ARHGEF7: variants seen among roughly 807,000 people sequenced by gnomAD.
The protein encoded by ARHGEF7 is Rho guanine nucleotide exchange factor 7.
ARHGEF7 carries 33 observed loss-of-function variants against 109.8 expected under a neutral mutation model. The ratio of observed to expected loss-of-function variants is 0.30; its 90% CI spans 0.23 to 0.40. The LOEUF is 0.40. Ranked by LOEUF, ARHGEF7 falls within the 10% of genes least tolerant of loss-of-function variation. The pLI, the probability that ARHGEF7 is intolerant of heterozygous loss-of-function variation, is 1.00. For missense variants in ARHGEF7, 938 were observed against 1,098.5 expected (o/e 0.85, Z 2.07); for synonymous variants, 458 against 424.6 (o/e 1.08, Z -0.97).
rs576476181 is a variant in ARHGEF7, at chr13:111,305,193, C to G, written c.*2080C>G. On this transcript the variant is annotated 3_prime_UTR_variant, in exon 22 of 22. Transcript: ENST00000646102. Reference sequence around the variant, plus strand: ...GCCTCATGTTACGGCATTGCCTTTTCTTTCTGTGGATCCAGTATCTTCCTC... The same window carrying G: ...GCCTCATGTTACGGCATTGCCTTTTGTTTCTGTGGATCCAGTATCTTCCTC... The G allele has an allele frequency of 6.6e-6, 1 of 152,372 alleles. No individual in the cohort carries two copies. Among genetic ancestry groups the G allele is most frequent in the African/African-American group, 2.4e-5 (1 of 41,582 alleles). The allele number at this position is 152,372 out of a possible 1,614,324, so 9.4% of individuals were successfully genotyped here. A position where few individuals can be genotyped will look rare whatever the true frequency, so the allele number is the denominator to read the frequency against.
intron 5 of ARHGEF7, among the ~76,000 whole-genome samples, chr13:111,223,740 A>G (rs1430287016): frequency 6.6e-6 from 1 of 152,214 alleles, no homozygotes; most frequent in Non-Finnish European, 1.5e-5. Context: ...TGTCAAAAGC[A>G]TTGTATATTA....
At chr13:111,166,917 C>A (rs1320032195) in intron 2 of ARHGEF7, among the ~76,000 whole-genome samples, 2 of 152,110 alleles carry the variant, frequency 1.3e-5, no homozygotes, top group Non-Finnish European at 2.9e-5. Context: ...ATATTGTGGG[C>A]AGGTGCTGTG....
At chr13:111,115,842 T>C (rs866362760) in intron 1 of ARHGEF7, 151 bp downstream of exon 1, 3,049 of 212,132 alleles carry the variant, frequency 0.014, 102 homozygotes, top group African/African-American at 0.079. Context: ...GCCAGGACCG[T>C]GGCGGGAGCT....
chr13:111,213,900 G>C (rs2082801055), intron 4 of ARHGEF7, among the ~76,000 whole-genome samples: 1 of 152,152 alleles, frequency 6.6e-6, no homozygotes. Context: ...CCCTTTTCCA[G>C]CCAGTCCCAT....
At chr13:111,279,526 C>T (rs559075462) in intron 13 of ARHGEF7, among the ~76,000 whole-genome samples, 8 of 152,362 alleles carry the variant, frequency 5.3e-5, no homozygotes, top group African/African-American at 1.7e-4. Context: ...ATGGAGTGCT[C>T]CCCAGGCAGC....
intron 6 of ARHGEF7, among the ~76,000 whole-genome samples, chr13:111,242,894 C>T (rs2088048460): frequency 6.6e-6 from 1 of 152,226 alleles, no homozygotes; most frequent in Admixed American, 6.5e-5. Context: ...CCACCCTGGG[C>T]TGGGCCTTTG....
chr13:111,197,741 CT>C (rs903606333), intron 2 of ARHGEF7, among the ~76,000 whole-genome samples: 10 of 152,162 alleles, frequency 6.6e-5, no homozygotes, highest in Non-Finnish European at 1.2e-4. Context: ...ATAGTACCCC[CT>C]ATGACAGGGC....
upstream of ARHGEF7, chr13:111,115,242 C>T (rs2153297335): frequency 6.8e-6 from 1 of 147,476 alleles, no homozygotes; most frequent in East Asian, 2.0e-4. Flanking sequence ...ACGGCCGCGT[C>T]TTTCTTCTCC....
At chr13:111,173,723 C>T (rs1454295455) in intron 2 of ARHGEF7, among the ~76,000 whole-genome samples, 2 of 152,138 alleles carry the variant, frequency 1.3e-5, no homozygotes, top group Non-Finnish European at 2.9e-5. Context: ...ACTGCCTCTC[C>T]CCACATTGAA....
chr13:111,300,015 C>T (rs2093527874), intron 19 of ARHGEF7, among the ~76,000 whole-genome samples: 1 of 152,112 alleles, frequency 6.6e-6, no homozygotes, highest in South Asian at 2.1e-4. Context: ...GATTTTCTCC[C>T]TTGCATCATT....
chr13:111,122,021 C>G (rs1036115685), intron 1 of ARHGEF7, among the ~76,000 whole-genome samples: 1 of 152,262 alleles, frequency 6.6e-6, no homozygotes, highest in African/African-American at 2.4e-5. Flanking sequence ...ATTTGAACCT[C>G]AGAGCCATCC....
At chr13:111,153,775 C>T (rs1467121288) in intron 1 of ARHGEF7, 130 bp from the exon 2 acceptor site, 3 of 1,372,556 alleles carry the variant, frequency 2.2e-6, no homozygotes, top group Middle Eastern at 5.3e-4. Context: ...GGGCTCGCTC[C>T]AGGCCGTCGG....
chr13:111,161,636 AT>A (rs2076749855), intron 2 of ARHGEF7, among the ~76,000 whole-genome samples: 2 of 152,158 alleles, frequency 1.3e-5, no homozygotes, highest in Admixed American at 6.5e-5. Context: ...TTCCATATTC[AT>A]TTTTTAAACT....
intron 4 of ARHGEF7, among the ~76,000 whole-genome samples, chr13:111,210,294 A>G (rs1005055658): frequency 6.6e-6 from 1 of 152,202 alleles, no homozygotes; most frequent in African/African-American, 2.4e-5. Context: ...ACCCCTTGTC[A>G]TTTGCATGGC....
At chr13:111,211,741 G>A (rs1050167574) in intron 4 of ARHGEF7, among the ~76,000 whole-genome samples, 2 of 152,146 alleles carry the variant, frequency 1.3e-5, no homozygotes. Flanking sequence ...AGTTTTCTTG[G>A]ATTAAAAATT....
chr13:111,227,353 C>G (rs2085349218), intron 5 of ARHGEF7, among the ~76,000 whole-genome samples: 1 of 152,198 alleles, frequency 6.6e-6, no homozygotes, highest in Admixed American at 6.5e-5. Context: ...TGGCACACTT[C>G]ATTGTCTTGT....
intron 1 of ARHGEF7, among the ~76,000 whole-genome samples, chr13:111,150,735 C>G (rs143106196): frequency 6.6e-6 from 1 of 152,304 alleles, no homozygotes; most frequent in Non-Finnish European, 1.5e-5. Context: ...AATAAAGTTC[C>G]CTCGTGTAGT....
At chr13:111,159,873 C>A (rs1290912340) in intron 2 of ARHGEF7, among the ~76,000 whole-genome samples, 1 of 152,012 alleles carries the variant, frequency 6.6e-6, no homozygotes, top group Non-Finnish European at 1.5e-5. Context: ...TCCCATTTAT[C>A]TTATTTTTGC....
chr13:111,267,779 G>T, intron 9 of ARHGEF7, 109 bp downstream of exon 9: 3 of 1,333,286 alleles, frequency 2.3e-6, no homozygotes, highest in Non-Finnish European at 3.1e-6. Flanking sequence ...TAAAGGGTAT[G>T]AATTTTAATT....
Sources: gnomAD v4.1 joint callset for allele counts (sites outside exome capture counted in the v4.1 genomes callset) on GRCh38, gnomAD v4.1.1 for gene constraint, MANE v1.5 for transcripts, NCBI Gene and HGNC (gene_info 2026-07-23, HGNC 2026-07-21) for gene names.